The following CTNNA3 variants were observed in gnomAD, a reference collection of about 807,000 sequenced individuals.
CTNNA3 encodes the protein catenin alpha 3.
In CTNNA3, 76 loss-of-function variants were observed where a neutral mutation model predicts 95.7. The observed-to-expected ratio is 0.79, with a 90% CI of 0.66 to 0.96. CTNNA3 has a LOEUF of 0.96. Among genes scored for constraint, CTNNA3 ranks in the 40% least tolerant of loss-of-function variants. The pLI is 0.00. For missense variants in CTNNA3, 1,191 were observed against 1,089.8 expected, an observed-to-expected ratio of 1.09 and a Z score of -1.31; for synonymous variants, 431 against 374.4, an observed-to-expected ratio of 1.15 and a Z score of -1.74.
intron 9 of CTNNA3, among the ~76,000 whole-genome samples, chr10:66,693,512 A>G (rs1303118150): frequency 1.3e-5 from 2 of 151,466 alleles, no homozygotes; most frequent in Non-Finnish European, 2.9e-5. Context: ...AATAATAATG[A>G]GAGACTTTAA....
chr10:66,566,890 G>A (rs141046485), intron 10 of CTNNA3, among the ~76,000 whole-genome samples: 3 of 151,188 alleles, frequency 2.0e-5, no homozygotes, highest in East Asian at 3.9e-4. Context: ...TTCTGAATTT[G>A]TAAAACACAA....
chr10:66,437,097 G>T (rs947821874), intron 11 of CTNNA3, among the ~76,000 whole-genome samples: 5 of 151,970 alleles, frequency 3.3e-5, no homozygotes, highest in African/African-American at 1.2e-4. Flanking sequence ...GTAACCCCAC[G>T]TTTCTCTCTG....
intron 9 of CTNNA3, among the ~76,000 whole-genome samples, chr10:66,675,690 G>A (rs564821402): frequency 6.6e-6 from 1 of 152,112 alleles, no homozygotes; most frequent in Admixed American, 6.6e-5. Flanking sequence ...TGTGCTTATG[G>A]TCAAGAGTGG....
At chr10:66,415,092 A>G (rs2093135985) in intron 11 of CTNNA3, among the ~76,000 whole-genome samples, 1 of 152,042 alleles carries the variant, frequency 6.6e-6, no homozygotes, top group Non-Finnish European at 1.5e-5. Flanking sequence ...GGCAGCTACT[A>G]TAGCCTCCCA....
chr10:66,398,287 T>C (rs1310267163), intron 11 of CTNNA3, among the ~76,000 whole-genome samples: 1 of 151,874 alleles, frequency 6.6e-6, no homozygotes, highest in African/African-American at 2.4e-5. Flanking sequence ...CTGTTAAAGA[T>C]AGGAACACCA....
chr10:67,195,813 T>C (rs1589849401), intron 6 of CTNNA3, among the ~76,000 whole-genome samples: 1 of 152,090 alleles, frequency 6.6e-6, no homozygotes, highest in East Asian at 1.9e-4. Flanking sequence ...GGAAAAAGTT[T>C]TCTGTATTTT....
At chr10:67,478,760 A>C (rs1046480180) in intron 5 of CTNNA3, among the ~76,000 whole-genome samples, 1 of 152,106 alleles carries the variant, frequency 6.6e-6, no homozygotes, top group Non-Finnish European at 1.5e-5. Flanking sequence ...CTTTGATAGG[A>C]TCAAAACCTC....
intron 7 of CTNNA3, among the ~76,000 whole-genome samples, chr10:66,997,576 A>C (rs1401221533): frequency 6.6e-6 from 1 of 152,154 alleles, no homozygotes; most frequent in Non-Finnish European, 1.5e-5. Flanking sequence ...TCATGTAACT[A>C]AATACTCCTA....
intron 7 of CTNNA3, among the ~76,000 whole-genome samples, chr10:67,079,090 G>A (rs1448935685): frequency 6.6e-6 from 1 of 152,140 alleles, no homozygotes; most frequent in Non-Finnish European, 1.5e-5. Context: ...TAATATCTGG[G>A]AGGACCAGGA....
intron 13 of CTNNA3, among the ~76,000 whole-genome samples, chr10:66,113,435 A>T (rs554087096): frequency 6.6e-6 from 1 of 152,284 alleles, no homozygotes; most frequent in Admixed American, 6.5e-5. Flanking sequence ...GGAACAGAAA[A>T]TCTATGGTAA....
intron 9 of CTNNA3, among the ~76,000 whole-genome samples, chr10:66,734,626 G>C (rs545042634): frequency 6.6e-6 from 1 of 152,088 alleles, no homozygotes; most frequent in Non-Finnish European, 1.5e-5. Flanking sequence ...TGCTCTGGGA[G>C]GCCAAGGCGG....
chr10:67,566,041 GTGTATA>G (rs1168208584), intron 3 of CTNNA3, among the ~76,000 whole-genome samples: 671 of 29,436 alleles, frequency 0.023, 119 homozygotes, highest in African/African-American at 0.083. Context: ...ATATGTGTGT[GTGTATA>G]TATATATATA....
intron 3 of CTNNA3, among the ~76,000 whole-genome samples, chr10:67,559,013 G>A (rs1841369954): frequency 6.6e-6 from 1 of 152,206 alleles, no homozygotes. Flanking sequence ...GCCCACCACA[G>A]CTCAAGGAGG....
intron 9 of CTNNA3, among the ~76,000 whole-genome samples, chr10:66,636,215 G>A (rs960107238): frequency 1.3e-5 from 2 of 151,950 alleles, no homozygotes; most frequent in Non-Finnish European, 2.9e-5. Context: ...TAAAAATGAA[G>A]TATAGCTAAT....
chr10:66,575,817 C>A (rs778025665), intron 10 of CTNNA3, among the ~76,000 whole-genome samples: 1 of 152,114 alleles, frequency 6.6e-6, no homozygotes, highest in Non-Finnish European at 1.5e-5. Flanking sequence ...TCTTGCCATT[C>A]CGCCTTGTGG....
At chr10:67,189,316 TA>T (rs1006408876) in intron 6 of CTNNA3, among the ~76,000 whole-genome samples, 14 of 152,096 alleles carry the variant, frequency 9.2e-5, no homozygotes, top group African/African-American at 2.4e-4. Context: ...TACCAGGGGC[TA>T]GGGGGCAGGG....
intron 11 of CTNNA3, among the ~76,000 whole-genome samples, chr10:66,487,090 T>G (rs1044167073): frequency 6.7e-6 from 1 of 149,822 alleles, no homozygotes; most frequent in African/African-American, 2.5e-5. Context: ...CTTTCTGTTA[T>G]AAGACGAATA....
intron 5 of CTNNA3, among the ~76,000 whole-genome samples, chr10:67,385,063 G>A (rs1490142857): frequency 6.6e-6 from 1 of 151,894 alleles, no homozygotes; most frequent in East Asian, 1.9e-4. Context: ...CTTTCAATGT[G>A]AATGCTACCA....
At chr10:66,898,914 GA>G (rs1184197714) in intron 7 of CTNNA3, among the ~76,000 whole-genome samples, 1 of 152,032 alleles carries the variant, frequency 6.6e-6, no homozygotes, top group African/African-American at 2.4e-5. Flanking sequence ...ACAATAAACA[GA>G]ATGAAAAGGT....
Sources: gnomAD v4.1 joint callset for allele counts (sites outside exome capture counted in the v4.1 genomes callset) on GRCh38, gnomAD v4.1.1 for gene constraint, MANE v1.5 for transcripts, NCBI Gene and HGNC (gene_info 2026-07-23, HGNC 2026-07-21) for gene names.